The following RAPGEF2 variants were observed in gnomAD, a reference collection of about 807,000 sequenced individuals.
RAPGEF2 encodes PDZ domain containing guanine nucleotide exchange factor (GEF) 1.
RAPGEF2 carries 54 observed loss-of-function variants against 186.7 expected under a neutral mutation model. That is an observed-to-expected ratio of 0.29 (90% CI 0.23 to 0.36). The LOEUF (loss-of-function observed/expected upper bound fraction) is 0.36, where lower values mean the gene tolerates loss of function less well. RAPGEF2 is among the 10% of genes least tolerant of loss of function. The probability of loss-of-function intolerance (pLI) is 1.00; values close to 1 mark genes in which losing one functional copy is unlikely to be tolerated. For missense variants in RAPGEF2, 1,532 were observed against 2,045.0 expected (o/e 0.75, Z 4.84); for synonymous variants, 712 against 705.9 (o/e 1.01, Z -0.14).
At chr4:159,192,989 T>C (rs751062279) in intron 2 of RAPGEF2, among the ~76,000 whole-genome samples, 2 of 152,206 alleles carry the variant, frequency 1.3e-5, no homozygotes, top group Non-Finnish European at 2.9e-5. Flanking sequence ...TTACTAGATA[T>C]TTTCTTTTCT....
intron 7 of RAPGEF2, among the ~76,000 whole-genome samples, chr4:159,260,302 T>C (rs1160562842): frequency 6.6e-6 from 1 of 151,580 alleles, no homozygotes; most frequent in Admixed American, 6.6e-5. Flanking sequence ...TTTTTTAAAG[T>C]AAGGGACATT....
rs181531392 is a variant in RAPGEF2, at chr4:159,178,363, G to A, written c.70-8279G>A. Among the ~76,000 whole-genome samples the A allele has an allele frequency of 2.2e-3, 333 of 152,076 alleles. 2 individuals are homozygous for A. The highest frequency in any genetic ancestry group is 7.4e-3 in the African/African-American group (307 of 41,452). Reference sequence around the variant, plus strand: ...CTCAGTTCTCCAAAGATCATATTACGACATACTGTACATTGTTAGTGAGAT... The same window carrying A: ...CTCAGTTCTCCAAAGATCATATTACAACATACTGTACATTGTTAGTGAGAT... On this transcript the variant is annotated intron_variant, in intron 1 of 29. Transcript: ENST00000691494.
chr4:159,168,965 G>T (rs1363635668), intron 1 of RAPGEF2, among the ~76,000 whole-genome samples: 1 of 152,190 alleles, frequency 6.6e-6, no homozygotes, highest in Non-Finnish European at 1.5e-5. Flanking sequence ...ATTCATAATT[G>T]AATTTCTATC....
intron 23 of RAPGEF2, 152 bp downstream of exon 23, chr4:159,344,211 T>G: frequency 1.4e-6 from 1 of 733,194 alleles, no homozygotes; most frequent in Non-Finnish European, 2.3e-6. Context: ...CAAATTGACT[T>G]CAAGTTTAAT....
At chr4:159,205,730 C>T (rs1287314788) in intron 3 of RAPGEF2, among the ~76,000 whole-genome samples, 1 of 152,150 alleles carries the variant, frequency 6.6e-6, no homozygotes, top group African/African-American at 2.4e-5. Context: ...GCTTCCCCTT[C>T]GCCTTCCCCC....
At chr4:159,262,880 C>CTT (rs1164015414) in intron 7 of RAPGEF2, among the ~76,000 whole-genome samples, 1 of 151,692 alleles carries the variant, frequency 6.6e-6, no homozygotes, top group Non-Finnish European at 1.5e-5. Flanking sequence ...TCATGGTGAT[C>CTT]TTTTTGAACT....
At chr4:159,241,037 G>A (rs766906730) in intron 5 of RAPGEF2, 164 bp from the exon 6 acceptor site, 12 of 517,890 alleles carry the variant, frequency 2.3e-5, no homozygotes, top group Admixed American at 3.6e-5. Flanking sequence ...AAACCAGTTA[G>A]TTCCAGAGAA....
At chr4:159,203,640 G>T (rs1749676124) in intron 3 of RAPGEF2, among the ~76,000 whole-genome samples, 1 of 152,050 alleles carries the variant, frequency 6.6e-6, no homozygotes, top group South Asian at 2.1e-4. Flanking sequence ...TGTGGCATAG[G>T]TGGAAAAAAA....
At chr4:159,322,765 T>A (rs923154237) in intron 10 of RAPGEF2, among the ~76,000 whole-genome samples, 1 of 152,180 alleles carries the variant, frequency 6.6e-6, no homozygotes, top group African/African-American at 2.4e-5. Context: ...TGAAAGGCAC[T>A]TCTTACATGG....
In RAPGEF2 at chr4:159,172,598, CTG is replaced by C. The variant is rs535963105; in HGVS notation, c.70-14042_70-14041del. Among the ~76,000 whole-genome samples the C allele has an allele frequency of 2.2e-3, 332 of 152,266 alleles. 2 individuals carry two copies. The highest frequency in any genetic ancestry group is 7.4e-3 in the African/African-American group (308 of 41,556). On this transcript the variant is annotated intron_variant, in intron 1 of 29. Transcript: ENST00000691494. ...TACTTATTTATGAATGTGATGGAGT[CTG>C]TCATATAAATCAAATGTACACATGT...
At chr4:159,289,264 T>C (rs1760892819) in intron 7 of RAPGEF2, among the ~76,000 whole-genome samples, 1 of 152,134 alleles carries the variant, frequency 6.6e-6, no homozygotes, top group African/African-American at 2.4e-5. Flanking sequence ...AATCTTATGG[T>C]TCTGAGTAAC....
At chr4:159,134,425 T>TG in intron 1 of RAPGEF2, among the ~76,000 whole-genome samples, 1 of 152,360 alleles carries the variant, frequency 6.6e-6, no homozygotes, top group East Asian at 1.9e-4. Context: ...TTGGCAGTGA[T>TG]GAATGAAGCT....
At chr4:159,280,380 C>T (rs1181760760) in intron 7 of RAPGEF2, among the ~76,000 whole-genome samples, 3 of 152,340 alleles carry the variant, frequency 2.0e-5, no homozygotes, top group African/African-American at 7.2e-5. Context: ...AACCTAGCCA[C>T]AACGGAGCAC....
rs186376964 is a variant in RAPGEF2 at position 159,296,165 on chromosome 4, C to T, written c.544-8177C>T. ...AATGATGGTTGTTGTAAAGAACTTG[C>T]AAGAAAAATGAAAAATCAGCTTCCT... On this transcript the variant is annotated intron_variant, in intron 7 of 29. Transcript: ENST00000691494. Among the ~76,000 whole-genome samples, 182 of 152,126 alleles carry T rather than the reference C, an allele frequency of 1.2e-3. 1 individual carries two copies. The highest frequency in any genetic ancestry group is 5.0e-3 in the Admixed American group (76 of 15,278).
chr4:159,139,811 G>T (rs1483745000), intron 1 of RAPGEF2, among the ~76,000 whole-genome samples: 1 of 152,138 alleles, frequency 6.6e-6, no homozygotes, highest in Non-Finnish European at 1.5e-5. Flanking sequence ...TTATTAAATG[G>T]AAAATACCTC....
At chr4:159,236,953 G>C (rs945370897) in intron 4 of RAPGEF2, among the ~76,000 whole-genome samples, 2 of 152,202 alleles carry the variant, frequency 1.3e-5, no homozygotes, top group African/African-American at 4.8e-5. Flanking sequence ...ATGTGTGAAT[G>C]TATATATGAA....
chr4:159,315,688 A>G (rs1286650726), intron 9 of RAPGEF2, among the ~76,000 whole-genome samples: 4 of 152,204 alleles, frequency 2.6e-5, no homozygotes, highest in African/African-American at 9.6e-5. Context: ...TCCACTGGAC[A>G]GGGGGCCCTT....
chr4:159,335,233 AT>A (rs1288384200), intron 17 of RAPGEF2, among the ~76,000 whole-genome samples: 2 of 152,202 alleles, frequency 1.3e-5, no homozygotes, highest in East Asian at 3.8e-4. Context: ...AAGATGGGGC[AT>A]GAGCTCCCAG....
intron 4 of RAPGEF2, among the ~76,000 whole-genome samples, chr4:159,229,793 T>C (rs990598622): frequency 2.6e-5 from 4 of 152,216 alleles, no homozygotes; most frequent in Non-Finnish European, 5.9e-5. Flanking sequence ...TGTTATACTG[T>C]TTTTAGAGCA....
Sources: allele counts gnomAD v4.1 joint callset (sites outside exome capture counted in the v4.1 genomes callset), GRCh38; gene constraint gnomAD v4.1.1; transcripts MANE v1.5; gene names NCBI Gene and HGNC (gene_info 2026-07-23, HGNC 2026-07-21).